Variants in SLIT3 observed in about 807,000 individuals in gnomAD.
The protein encoded by SLIT3 is slit guidance ligand 3, also known as slit homolog 3 protein.
Under a neutral mutation model 184.0 loss-of-function variants are expected in SLIT3, and 68 were observed. The ratio of observed to expected loss-of-function variants is 0.37; its 90% CI spans 0.30 to 0.45. The LOEUF is 0.45. SLIT3 is among the 20% of genes least tolerant of loss of function. The pLI, the probability that SLIT3 is intolerant of heterozygous loss-of-function variation, is 1.00. For synonymous variants in SLIT3, 831 were observed against 828.6 expected, an observed-to-expected ratio of 1.00 and a Z score of -0.05; for missense variants, 1,707 against 2,026.0, an observed-to-expected ratio of 0.84 and a Z score of 3.02.
At chr5:168,917,759 C>T (rs1360042878) in intron 4 of SLIT3, among the ~76,000 whole-genome samples, 1 of 152,190 alleles carries the variant, frequency 6.6e-6, no homozygotes, top group African/African-American at 2.4e-5. Context: ...AATCTAATTC[C>T]TCTTTGGAGA....
chr5:169,105,430 G>T (rs573815204), intron 4 of SLIT3, among the ~76,000 whole-genome samples: 1 of 152,298 alleles, frequency 6.6e-6, no homozygotes, highest in African/African-American at 2.4e-5. Flanking sequence ...CATGGAAAAA[G>T]CAGTTTTCAG....
intron 4 of SLIT3, among the ~76,000 whole-genome samples, chr5:168,930,795 C>T (rs1017626600): frequency 1.3e-5 from 2 of 151,864 alleles, no homozygotes; most frequent in Non-Finnish European, 2.9e-5. Flanking sequence ...AACTCTCAAA[C>T]CAGCAGCCCC....
intron 4 of SLIT3, among the ~76,000 whole-genome samples, chr5:168,968,509 A>T (rs1763292425): frequency 6.6e-6 from 1 of 152,338 alleles, no homozygotes; most frequent in South Asian, 2.1e-4. Context: ...TGTTGGGTTC[A>T]TTACAAAGGG....
Position 168,806,583 on chromosome 5 carries a change from G to A in SLIT3, c.798C>T (p.Pro266=). 1 of 1,614,166 alleles carries A rather than the reference G, an allele frequency of 6.2e-7. No homozygotes were observed. The highest frequency in any genetic ancestry group is 8.5e-7 in the Non-Finnish European group (1 of 1,180,006). ...VQKKEYVCPA[P]HSEPPSCNAN... Reference sequence around the variant, plus strand: ...CATTGCAGGATGGGGGCTCCGAGTGGGGGGCTGTGGAGCCAAGACACAACG... The same window carrying A: ...CATTGCAGGATGGGGGCTCCGAGTGAGGGGCTGTGGAGCCAAGACACAACG... The change falls in exon 9 of 36, where the codon CCC becomes CCT. Residue 266 remains proline (P), a synonymous_variant. Coordinates refer to ENST00000519560, the MANE Select transcript of SLIT3 (RefSeq NM_003062.4).
chr5:169,255,019 G>A (rs980366702), intron 1 of SLIT3, among the ~76,000 whole-genome samples: 15 of 152,180 alleles, frequency 9.9e-5, no homozygotes, highest in Non-Finnish European at 1.8e-4. Flanking sequence ...GATCATAACG[G>A]AGCTGAAAAA....
At chr5:169,129,042 C>A (rs141110241) in intron 4 of SLIT3, among the ~76,000 whole-genome samples, 1 of 152,096 alleles carries the variant, frequency 6.6e-6, no homozygotes, top group Admixed American at 6.5e-5. Context: ...GACTTGGACA[C>A]GGCAGGGGAG....
At chr5:168,985,874 T>C (rs1017196824) in intron 4 of SLIT3, among the ~76,000 whole-genome samples, 1 of 152,044 alleles carries the variant, frequency 6.6e-6, no homozygotes, top group Non-Finnish European at 1.5e-5. Context: ...AGACAGAGTA[T>C]GGTGGTTGTA....
At chr5:168,980,714 G>A (rs1437422716) in intron 4 of SLIT3, among the ~76,000 whole-genome samples, 2 of 152,232 alleles carry the variant, frequency 1.3e-5, no homozygotes, top group African/African-American at 4.8e-5. Flanking sequence ...GATTTACAAC[G>A]GTATCAGCAG....
In SLIT3 at chr5:168,722,339, G is replaced by A. The variant is rs769391196; in HGVS notation, c.2412-12C>T. On this transcript the variant is annotated splice_polypyrimidine_tract_variant and intron_variant, in intron 22 of 35. Transcript: ENST00000519560. ...TGTAGCTCAGGATCCTGTGGAAAAG[G>A]AGGCATGTGCCCTGTTGTGTCTTTC... The A allele has an allele frequency of 6.2e-7, 1 of 1,613,606 alleles. No homozygotes were observed. Among genetic ancestry groups the A allele is most frequent in the Non-Finnish European group, 8.5e-7 (1 of 1,179,624 alleles).
At chr5:169,167,833 C>T (rs976479339) in intron 4 of SLIT3, among the ~76,000 whole-genome samples, 1 of 152,188 alleles carries the variant, frequency 6.6e-6, no homozygotes, top group Admixed American at 6.5e-5. Context: ...GGCTGCACTA[C>T]CTAGTCCCCA....
chr5:168,790,216 G>A (rs1346493318), intron 10 of SLIT3: 5 of 152,388 alleles, frequency 3.3e-5, no homozygotes, highest in Admixed American at 1.3e-4. Flanking sequence ...CACATCCTGG[G>A]ATTCTCAGGG....
At chr5:169,199,786 A>C (rs1763856961) in intron 3 of SLIT3, among the ~76,000 whole-genome samples, 1 of 152,240 alleles carries the variant, frequency 6.6e-6, no homozygotes, top group Admixed American at 6.5e-5. Context: ...TTCTTAATTT[A>C]GCCCTTCATT....
At chr5:169,295,922 T>C (rs1767485592) in intron 1 of SLIT3, among the ~76,000 whole-genome samples, 1 of 152,208 alleles carries the variant, frequency 6.6e-6, no homozygotes, top group Non-Finnish European at 1.5e-5. Context: ...GAAAGCCCTG[T>C]GGTTTAAGTG....
intron 12 of SLIT3, among the ~76,000 whole-genome samples, chr5:168,778,585 A>G (rs949494245): frequency 6.6e-6 from 1 of 152,224 alleles, no homozygotes; most frequent in African/African-American, 2.4e-5. Flanking sequence ...ACGAGGTGGC[A>G]GGTTCTTTAC....
At chr5:169,244,552 T>C (rs901420070) in intron 3 of SLIT3, among the ~76,000 whole-genome samples, 153 bp downstream of exon 3, 1 of 152,214 alleles carries the variant, frequency 6.6e-6, no homozygotes, top group South Asian at 2.1e-4. Flanking sequence ...ATGCATCTAA[T>C]GTGCCTTAAG....
At chr5:169,279,933 G>T (rs1450961104) in intron 1 of SLIT3, among the ~76,000 whole-genome samples, 1 of 152,206 alleles carries the variant, frequency 6.6e-6, no homozygotes, top group East Asian at 1.9e-4. Flanking sequence ...TCACTTATTA[G>T]CAGTCACCAC....
intron 4 of SLIT3, among the ~76,000 whole-genome samples, chr5:168,921,642 A>G (rs747597575): frequency 1.3e-5 from 2 of 152,216 alleles, no homozygotes; most frequent in Non-Finnish European, 2.9e-5. Context: ...GGAAATGTAC[A>G]CATTTAATGC....
intron 4 of SLIT3, among the ~76,000 whole-genome samples, chr5:169,005,281 C>T (rs1448264089): frequency 6.6e-6 from 1 of 152,184 alleles, no homozygotes; most frequent in Non-Finnish European, 1.5e-5. Flanking sequence ...ATAATATCCC[C>T]CAGGTAGGCC....
chr5:168,746,715 TGG>T, intron 20 of SLIT3, among the ~76,000 whole-genome samples: 1 of 55,194 alleles, frequency 1.8e-5, no homozygotes, highest in Non-Finnish European at 3.2e-5. Context: ...GTGTGTGGTG[TGG>T]GTGTGGCGGT....
Sources: allele counts gnomAD v4.1 joint callset (sites outside exome capture counted in the v4.1 genomes callset), GRCh38; gene constraint gnomAD v4.1.1; transcripts MANE v1.5; gene names NCBI Gene and HGNC (gene_info 2026-07-23, HGNC 2026-07-21).